Variants in RBFOX1 observed in about 807,000 individuals in gnomAD.
The protein encoded by RBFOX1 is RNA binding protein fox-1 homolog 1.
A neutral mutation model predicts 57.7 loss-of-function variants in RBFOX1; 8 were observed. That is an observed-to-expected ratio of 0.14 (90% CI 0.08 to 0.25). RBFOX1 has a LOEUF of 0.25. Among genes scored for constraint, RBFOX1 ranks in the 10% least tolerant of loss-of-function variants. RBFOX1 has a pLI of 1.00. For missense variants in RBFOX1, 611 were observed against 548.5 expected (o/e 1.11, Z -1.14); for synonymous variants, 326 against 222.4 (o/e 1.47, Z -4.15).
intron 1 of RBFOX1, among the ~76,000 whole-genome samples, chr16:6,273,754 T>A (rs1316192046): frequency 6.6e-6 from 1 of 152,092 alleles, no homozygotes; most frequent in African/African-American, 2.4e-5. Context: ...AACACCCTGC[T>A]AAGTGGATGT....
intron 4 of RBFOX1, among the ~76,000 whole-genome samples, chr16:7,159,289 G>C (rs1262578401): frequency 1.3e-5 from 2 of 152,244 alleles, no homozygotes; most frequent in South Asian, 2.1e-4. Context: ...GAGCAGGAGA[G>C]GGTGCCATTG....
intron 2 of RBFOX1, among the ~76,000 whole-genome samples, chr16:6,470,223 T>A (rs2095142917): frequency 6.6e-6 from 1 of 152,206 alleles, no homozygotes; most frequent in Non-Finnish European, 1.5e-5. Flanking sequence ...TTATGTCCTG[T>A]CTGGATAGGT....
intron 4 of RBFOX1, among the ~76,000 whole-genome samples, chr16:5,874,628 C>T (rs868120100): frequency 6.6e-6 from 1 of 152,080 alleles, no homozygotes; most frequent in Non-Finnish European, 1.5e-5. Context: ...CAGTGAATAG[C>T]AGAGGGAAAT....
At chr16:7,004,856 C>G (rs558664305) in intron 3 of RBFOX1, among the ~76,000 whole-genome samples, 3 of 152,174 alleles carry the variant, frequency 2.0e-5, no homozygotes, top group East Asian at 1.9e-4. Context: ...AGGTTGAATC[C>G]TTGAGCAAAG....
intron 4 of RBFOX1, among the ~76,000 whole-genome samples, chr16:7,154,685 TTGTGTG>T (rs56742260): frequency 0.13 from 17,973 of 142,944 alleles, 1,354 homozygotes; most frequent in African/African-American, 0.24. Flanking sequence ...CCCTCTTCCT[TTGTGTG>T]TGTGTGTGTG....
chr16:7,302,884 G>C (rs550778120), intron 4 of RBFOX1, among the ~76,000 whole-genome samples: 1 of 152,056 alleles, frequency 6.6e-6, no homozygotes, highest in East Asian at 1.9e-4. Flanking sequence ...AAATAAAGGG[G>C]AGGGGAGACC....
In RBFOX1 at chr16:6,199,000, T is replaced by C. The variant is rs544034115; in HGVS notation, c.-126-117995T>C. 9.2e-5 allele frequency among the ~76,000 whole-genome samples: 14 copies of C among 152,208 alleles called. No individual in the cohort carries two copies. In the South Asian group the frequency reaches 2.9e-3, roughly 32 times the overall value. ...TGACTGAACATTTTTTAAATCTCTCTGATAGAATATATATATTTTTTCATT... is the reference window on the plus strand; with the variant it reads ...TGACTGAACATTTTTTAAATCTCTCCGATAGAATATATATATTTTTTCATT... On this transcript the variant is annotated intron_variant, in intron 1 of 15. Coordinates refer to ENST00000550418, the MANE Select transcript of RBFOX1 (RefSeq NM_018723.4).
At chr16:7,029,271 T>C (rs1380004152) in intron 3 of RBFOX1, among the ~76,000 whole-genome samples, 1 of 137,818 alleles carries the variant, frequency 7.3e-6, no homozygotes, top group Non-Finnish European at 1.5e-5. Flanking sequence ...TATATACGTA[T>C]ACGTATATAT....
At chr16:6,279,624 A>G (rs111743548) in intron 1 of RBFOX1, among the ~76,000 whole-genome samples, 21 of 152,322 alleles carry the variant, frequency 1.4e-4, no homozygotes, top group African/African-American at 5.1e-4. Context: ...GACTGTCCAT[A>G]TGGAAGATTA....
intron 3 of RBFOX1, among the ~76,000 whole-genome samples, chr16:5,614,160 G>C (rs898862988): frequency 1.3e-5 from 2 of 152,150 alleles, no homozygotes; most frequent in Non-Finnish European, 2.9e-5. Flanking sequence ...CGGATCAGGT[G>C]GTTGGGGGAT....
intron 3 of RBFOX1, among the ~76,000 whole-genome samples, chr16:6,976,287 T>C (rs1568178190): frequency 6.6e-6 from 1 of 152,144 alleles, no homozygotes; most frequent in Non-Finnish European, 1.5e-5. Flanking sequence ...AGAACAAGAA[T>C]TTGAACACAG....
In RBFOX1 at chr16:7,635,651, A is replaced by G. The variant is rs1430513799; in HGVS notation, c.757+4968A>G. ...TGTTACATGGACATTACATATATCA[A>G]TCATATTTAGTTTCACATAATACAT... On this transcript the variant is annotated intron_variant, in intron 11 of 15. Coordinates refer to ENST00000550418, the MANE Select transcript of RBFOX1 (RefSeq NM_018723.4). Among the ~76,000 whole-genome samples, 5 of 143,080 alleles carry G rather than the reference A, an allele frequency of 3.5e-5. No individual in the cohort carries two copies. The East Asian group carries it at 6.0e-4, about 17-fold the overall frequency. The allele number at this position is 143,080 out of a possible 152,430, so 93.9% of individuals were successfully genotyped here. A position where few individuals can be genotyped will look rare whatever the true frequency, so the allele number is the denominator to read the frequency against.
chr16:5,800,459 C>T (rs1458405017), intron 3 of RBFOX1, among the ~76,000 whole-genome samples: 1 of 152,066 alleles, frequency 6.6e-6, no homozygotes, highest in Non-Finnish European at 1.5e-5. Flanking sequence ...CCCAGCACGC[C>T]CTTGAGCTTA....
At position 7,064,514 on chromosome 16, in the gene RBFOX1, C is replaced by T. The variant is rs145335591; in HGVS notation, c.27+12416C>T. On this transcript the variant is annotated intron_variant, in intron 4 of 15. Transcript: ENST00000550418. ...GAGGAGATTAGGACATAGACACGCA[C>T]AAAGGGCAAACTACATGACCCAAAG... Among the ~76,000 whole-genome samples, 421 of 152,104 alleles carry T rather than the reference C, an allele frequency of 2.8e-3. 2 individuals are homozygous for T. The highest frequency in any genetic ancestry group is 9.4e-3 in the African/African-American group (390 of 41,494).
At chr16:6,772,461 G>C (rs1185708239) in intron 3 of RBFOX1, among the ~76,000 whole-genome samples, 3 of 151,746 alleles carry the variant, frequency 2.0e-5, no homozygotes, top group Non-Finnish European at 4.4e-5. Context: ...TGTGGGCATG[G>C]GGTGCATTTG....
At chr16:7,094,265 T>C (rs903221792) in intron 4 of RBFOX1, among the ~76,000 whole-genome samples, 4 of 152,054 alleles carry the variant, frequency 2.6e-5, no homozygotes, top group African/African-American at 9.7e-5. Flanking sequence ...AAAATTGATA[T>C]TCAATACCAA....
chr16:6,446,332 T>A (rs4786869), intron 2 of RBFOX1, among the ~76,000 whole-genome samples: 3 of 151,866 alleles, frequency 2.0e-5, no homozygotes, highest in African/African-American at 7.3e-5. Flanking sequence ...ATTATTGGTT[T>A]CTGGAGTATT....
At chr16:5,922,409 G>A (rs962186795) in intron 4 of RBFOX1, among the ~76,000 whole-genome samples, 19 of 152,330 alleles carry the variant, frequency 1.2e-4, no homozygotes, top group African/African-American at 4.6e-4. Flanking sequence ...GATGTGGCAA[G>A]GAGGGTGTCT....
chr16:7,664,673 G>T, intron 12 of RBFOX1: 2 of 557,406 alleles, frequency 3.6e-6, no homozygotes, highest in Non-Finnish European at 3.2e-6. Context: ...CCACTCCTGA[G>T]AGAGTGGGAA....
Sources: gnomAD v4.1 joint callset for allele counts (sites outside exome capture counted in the v4.1 genomes callset) on GRCh38, gnomAD v4.1.1 for gene constraint, MANE v1.5 for transcripts, NCBI Gene and HGNC (gene_info 2026-07-23, HGNC 2026-07-21) for gene names.